LIMS1: variants seen among roughly 807,000 people sequenced by gnomAD.
The protein encoded by LIMS1 is LIM zinc finger domain containing 1.
Under a neutral mutation model 44.1 loss-of-function variants are expected in LIMS1, and 18 were observed. The observed-to-expected ratio is 0.41, with a 90% CI of 0.28 to 0.61. The LOEUF is 0.61. Ranked by LOEUF, LIMS1 falls within the 20% of genes least tolerant of loss-of-function variation. LIMS1 has a pLI of 0.32. For missense variants in LIMS1, 201 were observed against 422.0 expected, an observed-to-expected ratio of 0.48 and a Z score of 4.59; for synonymous variants, 93 against 149.1, an observed-to-expected ratio of 0.62 and a Z score of 2.74.
chr2:108,642,651 G>A (rs1384316509), intron 1 of LIMS1, among the ~76,000 whole-genome samples: 1 of 152,080 alleles, frequency 6.6e-6, no homozygotes, highest in African/African-American at 2.4e-5. Flanking sequence ...GAGCCACCGC[G>A]CCCGGCCGCT....
chr2:108,646,886 T>C (rs1434766654), intron 1 of LIMS1, among the ~76,000 whole-genome samples: 1 of 152,074 alleles, frequency 6.6e-6, no homozygotes, highest in Admixed American at 6.6e-5. Context: ...CACACCCGGC[T>C]AATTTTTTGT....
intron 1 of LIMS1, among the ~76,000 whole-genome samples, chr2:108,607,409 G>A (rs897322661): frequency 9.9e-5 from 15 of 152,100 alleles, no homozygotes; most frequent in African/African-American, 3.6e-4. Flanking sequence ...GTATTTTTGT[G>A]CATCTAGTAG....
intron 1 of LIMS1, among the ~76,000 whole-genome samples, chr2:108,611,482 G>T (rs1211494511): frequency 6.6e-6 from 1 of 151,786 alleles, no homozygotes; most frequent in Non-Finnish European, 1.5e-5. Flanking sequence ...CACTTGCTTT[G>T]GTTCTATATA....
At position 108,621,379 on chromosome 2, in the gene LIMS1, C is replaced by T; in HGVS notation, c.33-38226C>T. The T allele has an allele frequency of 4.5e-6, 7 of 1,550,112 alleles. No individual in the cohort carries two copies. The Middle Eastern group carries it at 5.0e-4, about 111-fold the overall frequency. Reference sequence around the variant, plus strand: ...TATGACTGCATTACAGCTTAAAGAGCTTTCACATTCAGGTCTCTACAGGAG... The same window carrying T: ...TATGACTGCATTACAGCTTAAAGAGTTTTCACATTCAGGTCTCTACAGGAG... On this transcript the variant is annotated intron_variant, in intron 1 of 9. Transcript: ENST00000544547.
chr2:108,607,306 A>G (rs1447368776), intron 1 of LIMS1: 2 of 1,502,606 alleles, frequency 1.3e-6, no homozygotes, highest in African/African-American at 1.4e-5. Context: ...ATGAAACACA[A>G]ATAGAACATA....
At chr2:108,534,373 C>T (rs942300697) in exon 1 of LIMS1, 2 of 278,240 alleles carry the variant, frequency 7.2e-6, no homozygotes, top group Admixed American at 5.6e-5. Context: ...CCGCCCCTCC[C>T]CCGCCTTCCC....
chr2:108,556,894 G>C (rs1684941026), intron 1 of LIMS1, among the ~76,000 whole-genome samples: 1 of 152,202 alleles, frequency 6.6e-6, no homozygotes, highest in Admixed American at 6.5e-5. Context: ...ACTCCTCCCT[G>C]CTCTTTCTAC....
chr2:108,586,235 G>C (rs1243008873), intron 1 of LIMS1, among the ~76,000 whole-genome samples: 1 of 152,026 alleles, frequency 6.6e-6, no homozygotes, highest in African/African-American at 2.4e-5. Flanking sequence ...AAAGAAAATG[G>C]TGTCTGAAAA....
At chr2:108,547,702 C>G (rs1684527709) in intron 1 of LIMS1, among the ~76,000 whole-genome samples, 1 of 152,316 alleles carries the variant, frequency 6.6e-6, no homozygotes, top group African/African-American at 2.4e-5. Flanking sequence ...TCTCCACTTT[C>G]AAATTTTTCC....
intron 1 of LIMS1, among the ~76,000 whole-genome samples, chr2:108,598,076 A>G (rs1051661150): frequency 6.6e-6 from 1 of 151,430 alleles, no homozygotes; most frequent in East Asian, 1.9e-4. Flanking sequence ...GTTTCTCATC[A>G]TCCTAGGAAT....
At chr2:108,681,314 A>G in intron 9 of LIMS1, 1 of 985,166 alleles carries the variant, frequency 1.0e-6, no homozygotes, top group Non-Finnish European at 1.2e-6. Flanking sequence ...CTAAAATTAC[A>G]AAAATTAAAT....
rs114701071 is a variant in LIMS1 at position 108,645,080 on chromosome 2, G to A, written c.33-14525G>A. ...AACCAAGTTGGAAAACATTCCTCAG[G>A]ATATTATCTAGGAGAACTTCCCCAA... On this transcript the variant is annotated intron_variant, in intron 1 of 9. Transcript: ENST00000544547. Among the ~76,000 whole-genome samples, 1,323 of 152,218 alleles carry A rather than the reference G, an allele frequency of 8.7e-3. 17 individuals carry two copies. The highest frequency in any genetic ancestry group is 0.03 in the African/African-American group (1,253 of 41,518).
intron 1 of LIMS1, among the ~76,000 whole-genome samples, chr2:108,613,332 T>C (rs1252547673): frequency 6.6e-6 from 1 of 152,216 alleles, no homozygotes; most frequent in Admixed American, 6.5e-5. Flanking sequence ...CGCTTACGTT[T>C]CTGTGGACAA....
intron 1 of LIMS1, among the ~76,000 whole-genome samples, chr2:108,619,459 C>T (rs759317549): frequency 6.6e-6 from 1 of 151,350 alleles, no homozygotes; most frequent in East Asian, 1.9e-4. Flanking sequence ...CGAGGCAGTT[C>T]GATCACTTGA....
At chr2:108,650,737 A>T (rs2912859) in intron 1 of LIMS1, among the ~76,000 whole-genome samples, 1 of 152,248 alleles carries the variant, frequency 6.6e-6, no homozygotes, top group Non-Finnish European at 1.5e-5. Flanking sequence ...CCACCTAAAC[A>T]TTCCATGGCC....
At chr2:108,567,189 G>T (rs745427772) in intron 1 of LIMS1, among the ~76,000 whole-genome samples, 2 of 152,152 alleles carry the variant, frequency 1.3e-5, no homozygotes, top group African/African-American at 4.8e-5. Context: ...TGGGGTTTAC[G>T]TGTTTCTCCC....
At chr2:108,570,793 G>T (rs534570401) in intron 1 of LIMS1, among the ~76,000 whole-genome samples, 2 of 152,304 alleles carry the variant, frequency 1.3e-5, no homozygotes, top group South Asian at 2.1e-4. Flanking sequence ...AGGAAGACCA[G>T]ACTGAAGGTA....
intron 1 of LIMS1, among the ~76,000 whole-genome samples, chr2:108,544,332 A>T (rs1442729945): frequency 6.6e-6 from 1 of 152,188 alleles, no homozygotes; most frequent in Admixed American, 6.5e-5. Flanking sequence ...CATGGGGTTC[A>T]TGCTAAAAAT....
chr2:108,628,177 T>C (rs1688688914), intron 1 of LIMS1, among the ~76,000 whole-genome samples: 1 of 152,250 alleles, frequency 6.6e-6, no homozygotes, highest in Non-Finnish European at 1.5e-5. Context: ...ACAGCTCTGG[T>C]CACTTTCCCT....
Sources: allele counts gnomAD v4.1 joint callset (sites outside exome capture counted in the v4.1 genomes callset), GRCh38; gene constraint gnomAD v4.1.1; transcripts MANE v1.5; gene names NCBI Gene and HGNC (gene_info 2026-07-23, HGNC 2026-07-21).